The following ERC2 variants were observed in gnomAD, a reference collection of about 807,000 sequenced individuals.
The protein encoded by ERC2 is ELKS/RAB6-interacting/CAST family member 2.
In ERC2, 42 loss-of-function variants were observed where a neutral mutation model predicts 114.8. That is an observed-to-expected ratio of 0.37 (90% confidence interval 0.29 to 0.47). ERC2 has a LOEUF of 0.47. Among genes scored for constraint, ERC2 ranks in the 20% least tolerant of loss-of-function variants. The probability of loss-of-function intolerance (pLI) is 0.99; values close to 1 mark genes in which losing one functional copy is unlikely to be tolerated. For synonymous variants in ERC2, 454 were observed against 425.5 expected (o/e 1.07, Z -0.82); for missense variants, 939 against 1,150.7 (o/e 0.82, Z 2.66).
At chr3:55,533,263 G>T (rs2053780846) in intron 17 of ERC2, among the ~76,000 whole-genome samples, 1 of 152,210 alleles carries the variant, frequency 6.6e-6, no homozygotes, top group African/African-American at 2.4e-5. Context: ...TCCAAGAAGG[G>T]CTCAGGGTGC....
intron 17 of ERC2, among the ~76,000 whole-genome samples, chr3:55,603,994 C>T (rs1203814655): frequency 3.9e-5 from 6 of 152,282 alleles, no homozygotes; most frequent in East Asian, 3.9e-4. Flanking sequence ...CATGTCTCTC[C>T]GGCCACGTTT....
intron 7 of ERC2, among the ~76,000 whole-genome samples, chr3:56,042,141 C>A (rs763523257): frequency 9.9e-5 from 15 of 152,150 alleles, no homozygotes; most frequent in Non-Finnish European, 1.9e-4. Context: ...CTTCCTGCAC[C>A]TGCACATATA....
intron 14 of ERC2, among the ~76,000 whole-genome samples, chr3:55,871,615 T>A (rs2062587341): frequency 6.6e-6 from 1 of 152,196 alleles, no homozygotes; most frequent in Non-Finnish European, 1.5e-5. Context: ...GGAATTTATA[T>A]GCAGAAATGT....
chr3:55,559,704 C>T (rs75263535), intron 17 of ERC2, among the ~76,000 whole-genome samples: 10,417 of 152,300 alleles, frequency 0.068, 496 homozygotes, highest in South Asian at 0.14. Context: ...CCATCAATGT[C>T]CTCCTTGCCT....
intron 17 of ERC2, among the ~76,000 whole-genome samples, chr3:55,536,033 T>C (rs2107306862): frequency 6.6e-6 from 1 of 152,262 alleles, no homozygotes; most frequent in Non-Finnish European, 1.5e-5. Context: ...AAAAAAACAA[T>C]AGTTTTAAGT....
At chr3:56,169,452 A>T (rs1434848997) in intron 4 of ERC2, among the ~76,000 whole-genome samples, 3 of 152,150 alleles carry the variant, frequency 2.0e-5, no homozygotes, top group Admixed American at 6.5e-5. Context: ...GTGTTTTTAC[A>T]TTTTTTAAAA....
chr3:55,633,016 T>A (rs867611349), intron 17 of ERC2, among the ~76,000 whole-genome samples: 15 of 152,316 alleles, frequency 9.8e-5, no homozygotes, highest in Middle Eastern at 6.8e-3. Flanking sequence ...TTTATCCATC[T>A]AATCAAGAGA....
chr3:55,888,967 G>C (rs1488526615), intron 13 of ERC2, among the ~76,000 whole-genome samples: 1 of 152,126 alleles, frequency 6.6e-6, no homozygotes, highest in Admixed American at 6.5e-5. Flanking sequence ...TCAAACACAA[G>C]AAATGTCCAA....
chr3:55,570,660 C>T (rs1448502848), intron 17 of ERC2, among the ~76,000 whole-genome samples: 1 of 152,176 alleles, frequency 6.6e-6, no homozygotes, highest in African/African-American at 2.4e-5. Flanking sequence ...ACCACCTAGA[C>T]TGGGATGTGA....
At chr3:55,613,016 C>T (rs1416791015) in intron 17 of ERC2, 1 of 152,150 alleles carries the variant, frequency 6.6e-6, no homozygotes, top group Admixed American at 6.5e-5. Context: ...TTGTGAAATT[C>T]CGGCAACCCT....
intron 17 of ERC2, among the ~76,000 whole-genome samples, chr3:55,630,412 A>G (rs979120279): frequency 2.0e-5 from 3 of 151,622 alleles, no homozygotes; most frequent in African/African-American, 4.8e-5. Context: ...CAGGTGATTC[A>G]CCCGCCTCGA....
intron 17 of ERC2, among the ~76,000 whole-genome samples, chr3:55,617,200 G>T (rs2059156209): frequency 1.3e-5 from 2 of 152,226 alleles, no homozygotes; most frequent in Admixed American, 1.3e-4. Flanking sequence ...TCTCATGCAA[G>T]GGGCTTGCCC....
intron 12 of ERC2, among the ~76,000 whole-genome samples, chr3:55,979,649 A>C (rs752868394): frequency 1.3e-5 from 2 of 152,208 alleles, no homozygotes; most frequent in African/African-American, 2.4e-5. Context: ...ATCTACAAAA[A>C]TGCTGGATGA....
intron 14 of ERC2, among the ~76,000 whole-genome samples, chr3:55,795,841 T>C (rs893116221): frequency 5.9e-5 from 9 of 152,200 alleles, no homozygotes; most frequent in Admixed American, 4.6e-4. Context: ...ACCTGCCTTA[T>C]AGGGTTGCTT....
chr3:56,353,597 T>A, intron 2 of ERC2, among the ~76,000 whole-genome samples: 1 of 133,504 alleles, frequency 7.5e-6, no homozygotes, highest in Admixed American at 9.0e-5. Flanking sequence ...TAGGTGGGAA[T>A]TGAACAATGA....
At chr3:56,130,939 C>T (rs1305094900) in intron 6 of ERC2, among the ~76,000 whole-genome samples, 1 of 152,064 alleles carries the variant, frequency 6.6e-6, no homozygotes. Context: ...TTGTATGTGA[C>T]CCCAAAGTTT....
chr3:56,194,764 G>T (rs2047995759), intron 3 of ERC2, among the ~76,000 whole-genome samples: 1 of 152,030 alleles, frequency 6.6e-6, no homozygotes, highest in African/African-American at 2.4e-5. Context: ...ATTGTCATAT[G>T]TGGCCCACAG....
intron 7 of ERC2, among the ~76,000 whole-genome samples, chr3:56,058,264 T>C (rs1226417898): frequency 2.0e-5 from 3 of 152,222 alleles, no homozygotes; most frequent in Non-Finnish European, 4.4e-5. Flanking sequence ...AAGTGGTCTC[T>C]GTAACTGTTA....
chr3:56,247,218 C>A (rs2051770657), intron 3 of ERC2, among the ~76,000 whole-genome samples: 1 of 152,210 alleles, frequency 6.6e-6, no homozygotes, highest in Admixed American at 6.5e-5. Flanking sequence ...TTAATTTCAA[C>A]TAAGCGGGGG....
Sources: gnomAD v4.1 joint callset for allele counts (sites outside exome capture counted in the v4.1 genomes callset) on GRCh38, gnomAD v4.1.1 for gene constraint, MANE v1.5 for transcripts, NCBI Gene and HGNC (gene_info 2026-07-23, HGNC 2026-07-21) for gene names.